Variants in PCDHA1 observed in about 807,000 individuals in gnomAD.
The protein encoded by PCDHA1 is protocadherin alpha-1.
A neutral mutation model predicts 61.3 loss-of-function variants in PCDHA1; 42 were observed. The ratio of observed to expected loss-of-function variants is 0.69; its 90% confidence interval spans 0.54 to 0.89. The LOEUF is 0.89. PCDHA1 is among the 40% of genes least tolerant of loss of function. PCDHA1 has a pLI of 0.00. For missense variants in PCDHA1, 1,256 were observed against 1,235.3 expected, an observed-to-expected ratio of 1.02 and a Z score of -0.25; for synonymous variants, 610 against 553.8, an observed-to-expected ratio of 1.10 and a Z score of -1.43.
rs140204027 is a variant in PCDHA1 at position 140,787,845 on chromosome 5, G to C, written c.1555G>C (p.Ala519Pro). 12 of 1,612,582 alleles carry C rather than the reference G, an allele frequency of 7.4e-6. No homozygotes were observed. The highest frequency in any genetic ancestry group is 9.3e-6 in the Non-Finnish European group (11 of 1,179,816). ...GCACGCGGAGAGCGGCAAGGTGTAC[G>C]CACTGCAGCCCCTGGACCACGAGGA... ...SVHAESGKVY[A>P]LQPLDHEELE... The change falls in exon 1 of 4, where the codon GCA becomes CCA. Residue 519 changes from alanine to proline, a missense_variant. Physicochemically the swap from Ala to Pro is conservative, Grantham distance 27. Transcript: ENST00000504120.
At chr5:140,916,270 G>T (rs1487301756) in intron 1 of PCDHA1, among the ~76,000 whole-genome samples, 2 of 152,180 alleles carry the variant, frequency 1.3e-5, no homozygotes, top group Non-Finnish European at 2.9e-5. Context: ...GAGCATGCTT[G>T]TTGCTCTACT....
chr5:140,884,554 G>A (rs1554181727), intron 1 of PCDHA1: 10 of 1,614,160 alleles, frequency 6.2e-6, no homozygotes, highest in Non-Finnish European at 6.8e-6. Context: ...GCTCTGGGGA[G>A]GGCCCGCATA....
Position 140,788,489 on chromosome 5 carries a change from G to C in PCDHA1, c.2199G>C (p.Val733=). 6.2e-7 allele frequency: 1 copy of C among 1,614,148 alleles called. No homozygotes were observed. Residue 733 remains valine (V), a synonymous_variant, in exon 1 of 4, where the codon GTG becomes GTC. Coordinates refer to ENST00000504120, the MANE Select transcript of PCDHA1 (RefSeq NM_018900.4). ...CSVPPTEGAY[V]PGKPTLVCSS... ...TGCCGCCCACTGAGGGTGCGTATGTGCCGGGCAAGCCCACTCTGGTGTGCT... is the reference window on the plus strand; with the variant it reads ...TGCCGCCCACTGAGGGTGCGTATGTCCCGGGCAAGCCCACTCTGGTGTGCT...
At chr5:140,828,512 C>A in intron 1 of PCDHA1, 2 of 1,614,238 alleles carry the variant, frequency 1.2e-6, no homozygotes, top group East Asian at 2.2e-5. Flanking sequence ...ACAAAGAGTG[C>A]TGATTTACGA....
At chr5:140,974,827 G>T (rs1356890991) in intron 1 of PCDHA1, among the ~76,000 whole-genome samples, 1 of 152,182 alleles carries the variant, frequency 6.6e-6, no homozygotes. Context: ...GCAACATAAT[G>T]ATTATTTTAA....
chr5:140,875,695 C>T (rs782520558), intron 1 of PCDHA1: 4 of 1,613,962 alleles, frequency 2.5e-6, no homozygotes, highest in East Asian at 2.2e-5. Context: ...CGGGGACCTT[C>T]TGGAGGTAAA....
chr5:141,004,897 G>T (rs1455115465), intron 3 of PCDHA1, among the ~76,000 whole-genome samples: 1 of 152,154 alleles, frequency 6.6e-6, no homozygotes, highest in Non-Finnish European at 1.5e-5. Context: ...TGTCAGCTCT[G>T]CCAGGGTGTA....
intron 1 of PCDHA1, among the ~76,000 whole-genome samples, chr5:140,833,844 TAAC>T (rs1772686732): frequency 6.6e-6 from 1 of 152,198 alleles, no homozygotes; most frequent in African/African-American, 2.4e-5. Flanking sequence ...GGATTTTTCT[TAAC>T]AAGCGATACT....
In PCDHA1 at chr5:141,009,782, C is replaced by G; in HGVS notation, c.2698C>G (p.Arg900Gly). ...AGGATCTCCTGCAATCATCTCCATC[C>G]GGCAGGAGCCTACTAACAGCCAAAT... ...IPGSPAIISI[R>G]QEPTNSQIDK... Residue 900 changes from arginine to glycine, a missense_variant, in exon 4 of 4, where the codon CGG becomes GGG. By Grantham distance (125) the Arg-to-Gly change is moderately radical. Transcript: ENST00000504120. 1.2e-6 allele frequency: 2 copies of G among 1,614,074 alleles called. No homozygotes were observed. Among genetic ancestry groups the G allele is most frequent in the Non-Finnish European group, 1.7e-6 (2 of 1,180,012 alleles).
At position 140,858,057 on chromosome 5, in the gene PCDHA1, A is replaced by G. The variant is rs781982906; in HGVS notation, c.2394+69373A>G. On this transcript the variant is annotated intron_variant, in intron 1 of 3. Coordinates refer to ENST00000504120, the MANE Select transcript of PCDHA1 (RefSeq NM_018900.4). ...GCCACTGTGCTTGTGTCGCTTGTGG[A>G]GGGCAGCCAGGCACCCAAGGCCTCG... 1.9e-6 allele frequency: 3 copies of G among 1,597,162 alleles called. No homozygotes were observed. In the South Asian group the frequency reaches 3.3e-5, roughly 18 times the overall value.
intron 1 of PCDHA1, chr5:140,877,395 C>T (rs375548936): frequency 4.3e-6 from 7 of 1,613,958 alleles, no homozygotes; most frequent in Middle Eastern, 1.6e-4. Flanking sequence ...ATGAGGCGGA[C>T]GCTCCGCGCC....
intron 1 of PCDHA1, chr5:140,828,857 G>C: frequency 6.2e-7 from 1 of 1,614,232 alleles, no homozygotes; most frequent in Admixed American, 1.7e-5. Flanking sequence ...CGAAAATGCA[G>C]ACAACGGAAC....
chr5:140,879,123 G>C (rs895703047), intron 1 of PCDHA1, among the ~76,000 whole-genome samples: 18 of 152,310 alleles, frequency 1.2e-4, no homozygotes, highest in South Asian at 4.1e-4. Context: ...AAGGATTAGA[G>C]CAGGGGAGAT....
intron 1 of PCDHA1, chr5:140,849,736 AC>A: frequency 1.3e-6 from 2 of 1,598,292 alleles, no homozygotes; most frequent in Non-Finnish European, 1.7e-6. Flanking sequence ...AGAGCTCTGG[AC>A]CGCGAGAGTG....
chr5:140,919,649 T>C (rs1252944920), intron 1 of PCDHA1, among the ~76,000 whole-genome samples: 1 of 152,202 alleles, frequency 6.6e-6, no homozygotes, highest in African/African-American at 2.4e-5. Flanking sequence ...TTCTCTAGAG[T>C]TTACCATATA....
chr5:140,795,214 T>C (rs1554119302), intron 1 of PCDHA1: 1 of 1,614,190 alleles, frequency 6.2e-7, no homozygotes, highest in East Asian at 2.2e-5. Flanking sequence ...GAATGGCATT[T>C]TGTTTGTGAA....
chr5:140,823,948 C>T, intron 1 of PCDHA1: 2 of 1,613,984 alleles, frequency 1.2e-6, no homozygotes, highest in Non-Finnish European at 8.5e-7. Context: ...GTGCTCGGCG[C>T]AGCCCACCGA....
At position 140,842,039 on chromosome 5, in the gene PCDHA1, C is replaced by T. The variant is rs371732180; in HGVS notation, c.2394+53355C>T. ...AGTGCTGGATGTGAATGATAATGCT[C>T]CCACTTTCGAACAGTCTGAATACGA... On this transcript the variant is annotated intron_variant, in intron 1 of 3. Transcript: ENST00000504120. 4 of 1,613,816 alleles carry T rather than the reference C, an allele frequency of 2.5e-6. No individual in the cohort carries two copies. In the South Asian group the frequency reaches 4.4e-5, roughly 18 times the overall value.
intron 1 of PCDHA1, among the ~76,000 whole-genome samples, chr5:140,872,228 T>C (rs2053555588): frequency 6.6e-6 from 1 of 152,222 alleles, no homozygotes. Context: ...CAATCTTTAC[T>C]TTTGTCTTTA....
Sources: gnomAD v4.1 joint callset for allele counts (sites outside exome capture counted in the v4.1 genomes callset) on GRCh38, gnomAD v4.1.1 for gene constraint, MANE v1.5 for transcripts, NCBI Gene and HGNC (gene_info 2026-07-23, HGNC 2026-07-21) for gene names.